The following ZFPM1 variants were observed in gnomAD, a reference collection of about 807,000 sequenced individuals.
ZFPM1 encodes zinc finger protein ZFPM1.
A neutral mutation model predicts 46.3 loss-of-function variants in ZFPM1; 28 were observed. The observed-to-expected ratio is 0.60, with a 90% CI of 0.45 to 0.83. The LOEUF (loss-of-function observed/expected upper bound fraction) is 0.83, where lower values mean the gene tolerates loss of function less well. ZFPM1 is among the 40% of genes least tolerant of loss of function. The probability of loss-of-function intolerance (pLI) is 0.00; values close to 1 mark genes in which losing one functional copy is unlikely to be tolerated. For synonymous variants in ZFPM1, 957 were observed against 675.9 expected, an observed-to-expected ratio of 1.42 and a Z score of -6.45; for missense variants, 1,878 against 1,432.4, an observed-to-expected ratio of 1.31 and a Z score of -5.02.
At chr16:88,484,708 G>A (rs1909122584) in intron 1 of ZFPM1, among the ~76,000 whole-genome samples, 1 of 152,166 alleles carries the variant, frequency 6.6e-6, no homozygotes, top group Admixed American at 6.5e-5. Context: ...GACCTGGGGA[G>A]CAGTCAAACA....
chr16:88,524,865 C>G (rs1426398348), intron 4 of ZFPM1, among the ~76,000 whole-genome samples: 6 of 152,248 alleles, frequency 3.9e-5, no homozygotes, highest in Non-Finnish European at 8.8e-5. Flanking sequence ...AGAGGAGAAC[C>G]TGAGCCAGGG....
chr16:88,472,784 C>G (rs1908486187), intron 1 of ZFPM1, among the ~76,000 whole-genome samples: 1 of 152,278 alleles, frequency 6.6e-6, no homozygotes, highest in Admixed American at 6.5e-5. Context: ...TAACTCCACG[C>G]CCTCCCGGCA....
At chr16:88,520,521 G>C (rs986338787) in intron 4 of ZFPM1, among the ~76,000 whole-genome samples, 1 of 150,114 alleles carries the variant, frequency 6.7e-6, no homozygotes, top group Non-Finnish European at 1.5e-5. Context: ...TAGATGAATG[G>C]ATGAATGAAT....
At chr16:88,500,577 C>G (rs1910194655) in intron 3 of ZFPM1, among the ~76,000 whole-genome samples, 1 of 152,268 alleles carries the variant, frequency 6.6e-6, no homozygotes, top group South Asian at 2.1e-4. Context: ...CTGGGTCATT[C>G]TGTCACCTTG....
intron 1 of ZFPM1, among the ~76,000 whole-genome samples, chr16:88,478,813 G>A (rs1267113706): frequency 2.6e-5 from 4 of 152,222 alleles, no homozygotes; most frequent in South Asian, 2.1e-4. Context: ...GCAGGGGAAG[G>A]AGTTGGGGGC....
chr16:88,472,964 T>G (rs1908494610), intron 1 of ZFPM1, among the ~76,000 whole-genome samples: 1 of 152,202 alleles, frequency 6.6e-6, no homozygotes, highest in Non-Finnish European at 1.5e-5. Context: ...CCCACAAGCT[T>G]CCAGGACGCC....
At chr16:88,505,690 G>A (rs1471574986) in intron 3 of ZFPM1, among the ~76,000 whole-genome samples, 3 of 152,120 alleles carry the variant, frequency 2.0e-5, no homozygotes, top group Admixed American at 1.3e-4. Flanking sequence ...GTCAGCTCCC[G>A]GGAACGCAGC....
At position 88,497,804 on chromosome 16, in the gene ZFPM1, C is replaced by G. The variant is rs1021934550; in HGVS notation, c.268+8651C>G. Reference sequence around the variant, plus strand: ...CCGCCCGAGGCTGGGAATCCTCACCCGAGTGTGTGAGGGCGTCGGGCTGGT... The same window carrying G: ...CCGCCCGAGGCTGGGAATCCTCACCGGAGTGTGTGAGGGCGTCGGGCTGGT... On this transcript the variant is annotated intron_variant, in intron 3 of 9. Transcript: ENST00000319555. The surrounding 1 kb of genome is among the most constrained non-coding windows in gnomAD (Gnocchi z 5.4). Among the ~76,000 whole-genome samples, 4 of 152,270 alleles carry G rather than the reference C, an allele frequency of 2.6e-5. No individual in the cohort carries two copies. The highest frequency in any genetic ancestry group is 9.6e-5 in the African/African-American group (4 of 41,564).
In ZFPM1 at chr16:88,534,361, G is replaced by T. The variant is rs531099417; in HGVS notation, c.2403G>T (p.Pro801=). The part of the protein sequence containing the change: ...ADGPIDLSKK[P]RRPLPGAPAP... Reference sequence around the variant, plus strand: ...GCCCCATCGACCTGAGCAAGAAGCCGCGGCGCCCGCTCCCCGGAGCCCCGG... The same window carrying T: ...GCCCCATCGACCTGAGCAAGAAGCCTCGGCGCCCGCTCCCCGGAGCCCCGG... The change falls in exon 10 of 10, where the codon CCG becomes CCT. Residue 801 remains proline (P), a synonymous_variant. Transcript: ENST00000319555. The T allele has an allele frequency of 4.2e-6, 6 of 1,426,306 alleles. No homozygotes were observed. The highest frequency in any genetic ancestry group is 4.6e-6 in the Non-Finnish European group (5 of 1,093,906). The allele number at this position is 1,426,306 out of a possible 1,614,324, so 88.4% of individuals were successfully genotyped here.
intron 1 of ZFPM1, among the ~76,000 whole-genome samples, chr16:88,470,148 C>T (rs894262381): frequency 6.6e-6 from 1 of 152,190 alleles, no homozygotes; most frequent in Non-Finnish European, 1.5e-5. Context: ...TGGGCAAAGG[C>T]CCCTCCCGTG....
chr16:88,515,640 A>G (rs919211007), intron 4 of ZFPM1, among the ~76,000 whole-genome samples: 4 of 152,210 alleles, frequency 2.6e-5, no homozygotes, highest in Non-Finnish European at 5.9e-5. Context: ...CTCAGTGGGC[A>G]CTGCGGCCAG....
At chr16:88,502,543 C>G (rs1910424462) in intron 3 of ZFPM1, among the ~76,000 whole-genome samples, 2 of 152,214 alleles carry the variant, frequency 1.3e-5, no homozygotes, top group African/African-American at 4.8e-5. Context: ...AGGTCTTGGG[C>G]TTGTCCCCAG....
At position 88,534,686 on chromosome 16, in the gene ZFPM1, C is replaced by T. The variant is rs1051188975; in HGVS notation, c.2728C>T (p.Pro910Ser). The T allele has an allele frequency of 2.7e-5, 27 of 989,534 alleles. No individual in the cohort carries two copies. In the African/African-American group the frequency reaches 3.0e-4, roughly 11 times the overall value. The allele number at this position is 989,534 out of a possible 1,614,324, so 61.3% of individuals were successfully genotyped here. The change falls in exon 10 of 10, where the codon CCG becomes TCG. Residue 910 changes from proline to serine, a missense_variant. Coordinates refer to ENST00000319555, the MANE Select transcript of ZFPM1 (RefSeq NM_153813.3). Reference protein sequence around the residue: ...PSPAPAPAASPQPGSRGPRDG... With the variant: ...PSPAPAPAASSQPGSRGPRDG... ...GCCCGCTCCCGCCCCCGCCGCCTCC[C>T]CGCAGCCCGGGTCCCGTGGCCCCCG...
chr16:88,482,276 G>A (rs1011524317), intron 1 of ZFPM1, among the ~76,000 whole-genome samples: 1 of 152,028 alleles, frequency 6.6e-6, no homozygotes. Context: ...CCCCAGGTGG[G>A]CCACAGACGA....
At chr16:88,486,656 C>G (rs537004057) in intron 2 of ZFPM1, among the ~76,000 whole-genome samples, 44 of 135,824 alleles carry the variant, frequency 3.2e-4, no homozygotes, top group African/African-American at 1.2e-3. Flanking sequence ...GTGGATCGGT[C>G]CTGGGTGCAC....
intron 3 of ZFPM1, among the ~76,000 whole-genome samples, chr16:88,508,427 G>A (rs965597821): frequency 3.9e-5 from 6 of 152,240 alleles, no homozygotes; most frequent in Non-Finnish European, 7.3e-5. Flanking sequence ...CATCCACACA[G>A]GACCACCCTT....
At chr16:88,526,197 C>T (rs1016039332) in intron 4 of ZFPM1, among the ~76,000 whole-genome samples, 15 of 152,316 alleles carry the variant, frequency 9.8e-5, no homozygotes, top group African/African-American at 2.6e-4. Flanking sequence ...GCCCCGGGAG[C>T]GAGCGGGAAC....
At chr16:88,467,000 G>A (rs942943478) in intron 1 of ZFPM1, among the ~76,000 whole-genome samples, 1 of 152,086 alleles carries the variant, frequency 6.6e-6, no homozygotes, top group South Asian at 2.1e-4. Context: ...GCCGGGGCGA[G>A]GGTCCCTGGG....
At chr16:88,531,706 G>A (rs1472282298) in intron 6 of ZFPM1, among the ~76,000 whole-genome samples, 1 of 152,194 alleles carries the variant, frequency 6.6e-6, no homozygotes, top group Non-Finnish European at 1.5e-5. Context: ...TCTTCCTTCT[G>A]CCCCCATGAG....
Sources: allele counts gnomAD v4.1 joint callset (sites outside exome capture counted in the v4.1 genomes callset), GRCh38; gene constraint gnomAD v4.1.1; non-coding constraint Gnocchi (gnomAD v3.1); transcripts MANE v1.5; gene names NCBI Gene and HGNC (gene_info 2026-07-23, HGNC 2026-07-21).